TMTC2: variants seen among roughly 807,000 people sequenced by gnomAD.
TMTC2 encodes transmembrane O-mannosyltransferase targeting cadherins 2, also known as protein O-mannosyl-transferase TMTC2.
A neutral mutation model predicts 82.4 loss-of-function variants in TMTC2; 43 were observed. The ratio of observed to expected loss-of-function variants is 0.52; its 90% CI spans 0.41 to 0.67. TMTC2 has a LOEUF of 0.67. Among genes scored for constraint, TMTC2 ranks in the 30% least tolerant of loss-of-function variants. TMTC2 has a pLI of 0.00. For synonymous variants in TMTC2, 408 were observed against 381.9 expected, an observed-to-expected ratio of 1.07 and a Z score of -0.80; for missense variants, 919 against 1,012.4, an observed-to-expected ratio of 0.91 and a Z score of 1.25.
At chr12:82,886,215 C>T (rs1873091585) in intron 2 of TMTC2, among the ~76,000 whole-genome samples, 1 of 152,174 alleles carries the variant, frequency 6.6e-6, no homozygotes, top group Non-Finnish European at 1.5e-5. Context: ...TTCTCCCTTT[C>T]TGGCACTACA....
chr12:83,103,499 T>G lies in TMTC2; in HGVS notation c.2332-28711T>G, dbSNP rs367688161. ...AAGCAGGAGCAGGAGAGAGTGAGAG[T>G]GAGGGAGGAGATGCCTCACACTTAA... On this transcript the variant is annotated intron_variant, in intron 11 of 11. Transcript: ENST00000321196. Among the ~76,000 whole-genome samples, 7 of 151,550 alleles carry G rather than the reference T, an allele frequency of 4.6e-5. 1 individual carries two copies. Among genetic ancestry groups the G allele is most frequent in the African/African-American group, 1.7e-4 (7 of 41,276 alleles).
chr12:82,976,240 G>T (rs565264854), intron 7 of TMTC2, among the ~76,000 whole-genome samples: 1 of 151,814 alleles, frequency 6.6e-6, no homozygotes, highest in South Asian at 2.1e-4. Flanking sequence ...AGGATCCCTA[G>T]TTGTAAATAG....
At chr12:82,754,028 A>C (rs1361409913) in intron 1 of TMTC2, among the ~76,000 whole-genome samples, 1 of 152,200 alleles carries the variant, frequency 6.6e-6, no homozygotes, top group Non-Finnish European at 1.5e-5. Context: ...TGTCACCAGA[A>C]TCAGGAGATT....
chr12:82,692,982 C>A (rs532768450), intron 1 of TMTC2, among the ~76,000 whole-genome samples: 1 of 152,268 alleles, frequency 6.6e-6, no homozygotes, highest in South Asian at 2.1e-4. Flanking sequence ...AACTTACATT[C>A]AATAATTCAC....
At chr12:82,945,038 A>G (rs1796166) in intron 4 of TMTC2, among the ~76,000 whole-genome samples, 137,611 of 152,262 alleles carry the variant, frequency 0.9, 62,395 homozygotes, top group East Asian at 1. Context: ...CTTTCAAATC[A>G]AATTGAATCA....
chr12:82,709,734 A>G lies in TMTC2; in HGVS notation c.83+22065A>G, dbSNP rs182451860. 1.5e-3 allele frequency among the ~76,000 whole-genome samples: 224 copies of G among 152,348 alleles called. 1 individual carries two copies. The Middle Eastern group carries it at 0.02, about 14-fold the overall frequency. ...AAGAGAGACACATTATATCCAATGTATGTTATAATACTTATTTAAAGGGTA... is the reference window on the plus strand; with the variant it reads ...AAGAGAGACACATTATATCCAATGTGTGTTATAATACTTATTTAAAGGGTA... On this transcript the variant is annotated intron_variant, in intron 1 of 11. Coordinates refer to ENST00000321196, the MANE Select transcript of TMTC2 (RefSeq NM_152588.3).
chr12:83,131,267 A>G (rs534291789), intron 11 of TMTC2, among the ~76,000 whole-genome samples: 1 of 152,336 alleles, frequency 6.6e-6, no homozygotes, highest in South Asian at 2.1e-4. Flanking sequence ...GGAGCAGAAC[A>G]GCCTTATTTA....
intron 4 of TMTC2, among the ~76,000 whole-genome samples, chr12:82,958,048 C>A (rs1007404798): frequency 6.6e-6 from 1 of 152,002 alleles, no homozygotes; most frequent in Non-Finnish European, 1.5e-5. Flanking sequence ...ACCCTGATAC[C>A]AAAACCTGGC....
At chr12:82,814,803 A>G (rs1868597464) in intron 1 of TMTC2, among the ~76,000 whole-genome samples, 1 of 152,190 alleles carries the variant, frequency 6.6e-6, no homozygotes, top group Non-Finnish European at 1.5e-5. Flanking sequence ...AAGATGAGGA[A>G]TTGACCTTTA....
At chr12:83,071,256 G>A (rs965073911) in intron 11 of TMTC2, among the ~76,000 whole-genome samples, 4 of 150,164 alleles carry the variant, frequency 2.7e-5, no homozygotes, top group South Asian at 2.2e-4. Flanking sequence ...CTGGGTTCAC[G>A]CCATTCTCCT....
intron 4 of TMTC2, among the ~76,000 whole-genome samples, chr12:82,939,461 T>G (rs1258489086): frequency 6.6e-6 from 1 of 152,158 alleles, no homozygotes; most frequent in Admixed American, 6.5e-5. Context: ...AAATTTGATA[T>G]TTTTGGGGTT....
intron 8 of TMTC2, among the ~76,000 whole-genome samples, chr12:83,029,173 G>T (rs539152522): frequency 6.6e-6 from 1 of 152,272 alleles, no homozygotes; most frequent in Non-Finnish European, 1.5e-5. Context: ...AGGAGAGGGA[G>T]TATGGAGAAA....
At chr12:82,906,438 GC>G (rs1282517088) in intron 3 of TMTC2, among the ~76,000 whole-genome samples, 1 of 152,142 alleles carries the variant, frequency 6.6e-6, no homozygotes, top group African/African-American at 2.4e-5. Flanking sequence ...GCCAAGGCAG[GC>G]AGATCACATG....
intron 1 of TMTC2, among the ~76,000 whole-genome samples, chr12:82,832,343 GTTT>G (rs202150424): frequency 1.4e-5 from 2 of 143,814 alleles, no homozygotes. Context: ...TTATGTACAA[GTTT>G]TTTTTTTTTT....
chr12:82,915,549 G>A (rs777016692), intron 3 of TMTC2, among the ~76,000 whole-genome samples: 7 of 152,200 alleles, frequency 4.6e-5, no homozygotes, highest in Non-Finnish European at 1.0e-4. Context: ...TTAGGTGGCA[G>A]GAACATACCT....
chr12:82,777,008 A>G (rs961409937), intron 1 of TMTC2, among the ~76,000 whole-genome samples: 1 of 152,168 alleles, frequency 6.6e-6, no homozygotes, highest in Non-Finnish European at 1.5e-5. Flanking sequence ...ACACACTTTG[A>G]TCTACATGGT....
intron 10 of TMTC2, among the ~76,000 whole-genome samples, chr12:83,055,567 G>A (rs1041767037): frequency 1.3e-5 from 2 of 151,988 alleles, no homozygotes; most frequent in Non-Finnish European, 2.9e-5. Flanking sequence ...AACATTTTCC[G>A]TGAATGGATT....
At chr12:82,874,924 T>C (rs1052828266) in intron 2 of TMTC2, among the ~76,000 whole-genome samples, 7 of 152,276 alleles carry the variant, frequency 4.6e-5, no homozygotes, top group African/African-American at 1.7e-4. Flanking sequence ...TTTTTAATTA[T>C]AGAGAAATTA....
intron 4 of TMTC2, among the ~76,000 whole-genome samples, chr12:82,950,007 A>T (rs544711997): frequency 6.6e-6 from 1 of 152,228 alleles, no homozygotes; most frequent in Non-Finnish European, 1.5e-5. Context: ...ATAAGAAAAG[A>T]AGAGAAATTT....
Sources: allele counts gnomAD v4.1 joint callset (sites outside exome capture counted in the v4.1 genomes callset), GRCh38; gene constraint gnomAD v4.1.1; transcripts MANE v1.5; gene names NCBI Gene and HGNC (gene_info 2026-07-23, HGNC 2026-07-21).